PRCD: variants seen among roughly 807,000 people sequenced by gnomAD.
PRCD encodes photoreceptor disk component PRCD.
PRCD carries 12 observed loss-of-function variants against 10.1 expected under a neutral mutation model. The observed-to-expected ratio is 1.18, with a 90% CI of 0.76 to 1.92. The LOEUF is 1.92. Among genes scored for constraint, PRCD ranks in the 40% most tolerant of loss-of-function variants. The pLI, the probability that PRCD is intolerant of heterozygous loss-of-function variation, is 0.00. For missense variants in PRCD, 61 were observed against 72.2 expected, an observed-to-expected ratio of 0.84 and a Z score of 0.56; for synonymous variants, 31 against 26.2, an observed-to-expected ratio of 1.18 and a Z score of -0.56.
At chr17:76,542,348 T>C (rs2075001723) in intron 2 of PRCD, among the ~76,000 whole-genome samples, 1 of 152,158 alleles carries the variant, frequency 6.6e-6, no homozygotes, top group South Asian at 2.1e-4. Context: ...CACCTGCCGA[T>C]GGTGGCTGCC....
chr17:76,544,078 A>G lies in PRCD; in HGVS notation c.*428A>G, dbSNP rs938596782. The G allele has an allele frequency of 8.8e-6, 4 of 454,260 alleles. No homozygotes were observed. Among genetic ancestry groups the G allele is most frequent in the African/African-American group, 2.0e-5 (1 of 49,896 alleles). The allele number at this position is 454,260 out of a possible 1,614,324, so 28.1% of individuals were successfully genotyped here. A position where few individuals can be genotyped will look rare whatever the true frequency, so the allele number is the denominator to read the frequency against. ...CTGCTCTGCCATTTCTCTCTTTTCA[A>G]TCCTGCATGATCCTGAGCAGAGATA... On this transcript the variant is annotated 3_prime_UTR_variant, in exon 5 of 5. Coordinates refer to ENST00000592014, the MANE Select transcript of PRCD (RefSeq NM_001077620.3).
Position 76,540,194 on chromosome 17 carries a change from G to A in PRCD, c.53G>A (p.Arg18Gln), listed in dbSNP as rs771143178. Reference sequence around the variant, plus strand: ...ACCCTGGCCATGCTCTGGCGCCGCCGATTTGCCAACCGAGTCCAACCGTGA... The same window carrying A: ...ACCCTGGCCATGCTCTGGCGCCGCCAATTTGCCAACCGAGTCCAACCGTGA... Reference protein sequence around the residue: ...LSTLAMLWRRRFANRVQPEPS... With the variant: ...LSTLAMLWRRQFANRVQPEPS... Residue 18 changes from arginine (R) to glutamine (Q), a missense_variant, in exon 1 of 5, where the codon CGA becomes CAA. Coordinates refer to ENST00000592014, the MANE Select transcript of PRCD (RefSeq NM_001077620.3). This position sits in a 1 kb window ranked among gnomAD's most constrained non-coding sequence, Gnocchi z 5.0. The A allele has an allele frequency of 3.4e-6, 5 of 1,485,330 alleles. No individual in the cohort carries two copies. Among genetic ancestry groups the A allele is most frequent in the Admixed American group, 1.9e-5 (1 of 51,648 alleles). 92.0% of individuals were successfully genotyped at this position (1,485,330 alleles called of 1,614,324 possible).
chr17:76,541,920 A>G (rs1281439217), intron 2 of PRCD, among the ~76,000 whole-genome samples: 1 of 152,194 alleles, frequency 6.6e-6, no homozygotes, highest in Non-Finnish European at 1.5e-5. Flanking sequence ...GTGCAGAGTG[A>G]TTGCTCCATA....
rs1031434855 is a variant in PRCD, at chr17:76,540,823, C to A, written c.143+250C>A. ...TGTGCCTCTCATCTCCAGCACGGGG[C>A]GGTCCCCCGGGGCACCTTCTGTCAG... On this transcript the variant is annotated intron_variant, in intron 2 of 4. Transcript: ENST00000592014. The surrounding 1 kb of genome is among the most constrained non-coding windows in gnomAD (Gnocchi z 5.0). 2.0e-5 allele frequency among the ~76,000 whole-genome samples: 3 copies of A among 152,228 alleles called. No homozygotes were observed. The highest frequency in any genetic ancestry group is 2.0e-4 in the Admixed American group (3 of 15,288).
At chr17:76,553,396 G>C (rs990644449) in exon 2 of PRCD, 3 of 152,214 alleles carry the variant, frequency 2.0e-5, no homozygotes, top group Non-Finnish European at 4.4e-5. Flanking sequence ...GCTGAACGAA[G>C]CCTAGGTTCA....
At chr17:76,551,829 T>C (rs1200579066) in intron 1 of PRCD, 1 of 151,840 alleles carries the variant, frequency 6.6e-6, no homozygotes, top group East Asian at 1.9e-4. Context: ...CTGGATTGTT[T>C]GAGTTCAGAT....
At chr17:76,542,922 G>A (rs754596257) in intron 3 of PRCD, 107 bp from the exon 4 acceptor site, 12 of 568,116 alleles carry the variant, frequency 2.1e-5, no homozygotes, top group African/African-American at 5.6e-5. Flanking sequence ...GGGCAGTGTC[G>A]GAGGACGCCC....
downstream of PRCD, chr17:76,545,696 G>A (rs2075047157): frequency 3.5e-6 from 1 of 284,684 alleles, no homozygotes; most frequent in African/African-American, 2.2e-5. Flanking sequence ...AGATCCTACT[G>A]GTATCTGTCT....
rs1171916184 is a variant in PRCD at position 76,531,807 on chromosome 17, C to A, written n.45+3974C>A. On this transcript the variant is annotated intron_variant and non_coding_transcript_variant, in intron 1 of 4. Coordinates refer to the PRCD transcript ENST00000397633. This position sits in a 1 kb window ranked among gnomAD's most constrained non-coding sequence, Gnocchi z 7.4. ...ACCGCAGTGCTCCCCACCCCCGCACCGTCACTGTTTTCACTACCATCAGTA... is the reference window on the plus strand; with the variant it reads ...ACCGCAGTGCTCCCCACCCCCGCACAGTCACTGTTTTCACTACCATCAGTA... 1 of 824,130 alleles carries A rather than the reference C, an allele frequency of 1.2e-6. No individual in the cohort carries two copies. The highest frequency in any genetic ancestry group is 2.7e-5 in the East Asian group (1 of 37,556). The allele number at this position is 824,130 out of a possible 1,614,324, so 51.1% of individuals were successfully genotyped here. A position where few individuals can be genotyped will look rare whatever the true frequency, so the allele number is the denominator to read the frequency against.
Position 76,533,856 on chromosome 17 carries a change from C to A in PRCD, n.45+6023C>A, listed in dbSNP as rs2074879354. On this transcript the variant is annotated intron_variant and non_coding_transcript_variant, in intron 1 of 4. Transcript: ENST00000397633. This position sits in a 1 kb window ranked among gnomAD's most constrained non-coding sequence, Gnocchi z 4.5. Reference sequence around the variant, plus strand: ...ACCAGCCTGGGCAACATAGTGAGATCCTGTCTCCAGAAAAAAAGAAAAAAA... The same window carrying A: ...ACCAGCCTGGGCAACATAGTGAGATACTGTCTCCAGAAAAAAAGAAAAAAA... 6.6e-6 allele frequency among the ~76,000 whole-genome samples: 1 copy of A among 152,108 alleles called. No homozygotes were observed. Among genetic ancestry groups the A allele is most frequent in the Non-Finnish European group, 1.5e-5 (1 of 68,020 alleles).
At position 76,540,946 on chromosome 17, in the gene PRCD, G is replaced by A. The variant is rs868281431; in HGVS notation, c.143+373G>A. 1.2e-4 allele frequency among the ~76,000 whole-genome samples: 19 copies of A among 152,074 alleles called. No homozygotes were observed. The highest frequency in any genetic ancestry group is 3.6e-4 in the African/African-American group (15 of 41,410). On this transcript the variant is annotated intron_variant, in intron 2 of 4. Transcript: ENST00000592014. This position sits in a 1 kb window ranked among gnomAD's most constrained non-coding sequence, Gnocchi z 5.0. The stretch of plus-strand genomic sequence containing the variant: ...TTCCCCCTCCTCCTCCTCTGCCCCC[G>A]CCCTGCCTCAGCTAGGCTGCCTGAG...
upstream of PRCD, chr17:76,537,518 CCAT>C (rs1489623920): frequency 1.9e-6 from 3 of 1,572,072 alleles, no homozygotes; most frequent in Non-Finnish European, 2.6e-6. Context: ...CGCTCGATCT[CCAT>C]CTCGCCTGGC....
In PRCD at chr17:76,529,556, T is replaced by TA. The variant is rs112338038; in HGVS notation, n.45+1729dup. 4.5e-3 allele frequency: 4,434 copies of TA among 985,318 alleles called. 165 individuals are homozygous for TA. The African/African-American group carries it at 0.071, about 16-fold the overall frequency. The allele number at this position is 985,318 out of a possible 1,614,324, so 61.0% of individuals were successfully genotyped here. A position where few individuals can be genotyped will look rare whatever the true frequency, so the allele number is the denominator to read the frequency against. ...TCTTTCCAGTCTCTCTTGGCCCTTG[T>TA]AAAAAAGCCCTTTTCTCTGGAAGCA... On this transcript the variant is annotated intron_variant and non_coding_transcript_variant, in intron 1 of 4. Transcript: ENST00000397633.
rs767104874 is a variant in PRCD at position 76,540,250 on chromosome 17, TCGG to T, written c.74+36_74+38del. The stretch of plus-strand genomic sequence containing the variant: ...TGACCGGGCTATGGCTGGCGGTTGG[TCGG>T]GGGGGGGGGGCATGGGGCTGGGCTG... On this transcript the variant is annotated intron_variant, in intron 1 of 4. Coordinates refer to ENST00000592014, the MANE Select transcript of PRCD (RefSeq NM_001077620.3). The surrounding 1 kb of genome is among the most constrained non-coding windows in gnomAD (Gnocchi z 5.0). 8.5e-4 allele frequency: 397 copies of T among 466,898 alleles called. 62 individuals are homozygous for T. The highest frequency in any genetic ancestry group is 1.7e-3 in the African/African-American group (38 of 22,252). 28.9% of individuals were successfully genotyped at this position (466,898 alleles called of 1,614,324 possible). A position where few individuals can be genotyped will look rare whatever the true frequency, so the allele number is the denominator to read the frequency against.
rs982098971 is a variant in PRCD, at chr17:76,528,277, C to T, written n.45+444C>T. On this transcript the variant is annotated intron_variant and non_coding_transcript_variant, in intron 1 of 4. Transcript: ENST00000397633. This position sits in a 1 kb window ranked among gnomAD's most constrained non-coding sequence, Gnocchi z 5.8. ...GGCTGGTTTATTCCCTAAGGGACTC[C>T]TAGACCTGTCCCGCTTCCTGCCAGC... 5.0e-6 allele frequency: 2 copies of T among 400,086 alleles called. No individual in the cohort carries two copies. Among genetic ancestry groups the T allele is most frequent in the East Asian group, 3.6e-5 (1 of 28,110 alleles). The allele number at this position is 400,086 out of a possible 1,614,324, so 24.8% of individuals were successfully genotyped here.
rs904775283 is a variant in PRCD at position 76,531,110 on chromosome 17, G to A, written n.45+3277G>A. The A allele has an allele frequency of 5.0e-6, 8 of 1,613,740 alleles. No individual in the cohort carries two copies. The highest frequency in any genetic ancestry group is 3.4e-6 in the Non-Finnish European group (4 of 1,179,916). On this transcript the variant is annotated intron_variant and non_coding_transcript_variant, in intron 1 of 4. Transcript: ENST00000397633. The surrounding 1 kb of genome is among the most constrained non-coding windows in gnomAD (Gnocchi z 7.4). ...GTGGGAAGTCACTGGCAAATTCCTC[G>A]GCGACCACCTCCAGAATGACCCCAG... is the stretch of plus-strand genomic sequence containing the variant.
intron 1 of PRCD, chr17:76,552,876 A>ATATATATATATATATATATAT: frequency 1.6e-5 from 2 of 127,696 alleles, no homozygotes; most frequent in Non-Finnish European, 3.2e-5. Context: ...AAAAAAAAAA[A>ATATATATATATATATATATAT]AAAAAATATA....
chr17:76,531,055 G>A lies in PRCD; in HGVS notation n.45+3222G>A, dbSNP rs1287701626. ...GTCACGTGGCTGTAGATGAGGCCAC[G>A]CAGCTTGGCCCAGGCTCTCTGCGTC... On this transcript the variant is annotated intron_variant and non_coding_transcript_variant, in intron 1 of 4. Coordinates refer to the PRCD transcript ENST00000397633. The surrounding 1 kb of genome is among the most constrained non-coding windows in gnomAD (Gnocchi z 7.4). 7 of 1,613,476 alleles carry A rather than the reference G, an allele frequency of 4.3e-6. 1 individual carries two copies. Among genetic ancestry groups the A allele is most frequent in the East Asian group, 4.5e-5 (2 of 44,882 alleles).
chr17:76,540,525 G>C lies in PRCD; in HGVS notation c.95G>C (p.Gly32Ala), dbSNP rs374419323. ...RVQPEPSDVD[G>A]AARGSSLDAD... ...CACAGAGAGCCCAGCGACGTGGATGGGGCAGCTAGGGGCAGCAGCTTGGAT... is the reference window on the plus strand; with the variant it reads ...CACAGAGAGCCCAGCGACGTGGATGCGGCAGCTAGGGGCAGCAGCTTGGAT... Residue 32 changes from glycine (G) to alanine (A), a missense_variant, in exon 2 of 5, where the codon GGG becomes GCG. Transcript: ENST00000592014. The surrounding 1 kb of genome is among the most constrained non-coding windows in gnomAD (Gnocchi z 5.0). The C allele has an allele frequency of 3.7e-6, 6 of 1,613,686 alleles. No individual in the cohort carries two copies. Among genetic ancestry groups the C allele is most frequent in the Non-Finnish European group, 5.1e-6 (6 of 1,179,944 alleles).
Sources: gnomAD v4.1 joint callset for allele counts (sites outside exome capture counted in the v4.1 genomes callset) on GRCh38, gnomAD v4.1.1 for gene constraint, Gnocchi (gnomAD v3.1) non-coding constraint, MANE v1.5 for transcripts, NCBI Gene and HGNC (gene_info 2026-07-23, HGNC 2026-07-21) for gene names.